S100Z: variants seen among roughly 807,000 people sequenced by gnomAD.
S100Z encodes S100 calcium binding protein Z.
A neutral mutation model predicts 8.5 loss-of-function variants in S100Z; 11 were observed. The observed-to-expected ratio is 1.30, with a 90% CI of 0.82 to 2.15. The LOEUF is 2.15. Among genes scored for constraint, S100Z ranks in the 30% most tolerant of loss-of-function variants. The pLI, the probability that S100Z is intolerant of heterozygous loss-of-function variation, is 0.00. For synonymous variants in S100Z, 34 were observed against 43.8 expected, an observed-to-expected ratio of 0.78 and a Z score of 0.89; for missense variants, 126 against 117.9, an observed-to-expected ratio of 1.07 and a Z score of -0.32.
intron 1 of S100Z, among the ~76,000 whole-genome samples, chr5:76,855,625 T>C (rs1389751306): frequency 6.6e-6 from 1 of 152,240 alleles, no homozygotes; most frequent in Non-Finnish European, 1.5e-5. Context: ...CCCCCAGTTG[T>C]ATCTTGGAAG....
At chr5:76,884,921 A>C (rs1188229815) in intron 4 of S100Z, among the ~76,000 whole-genome samples, 1 of 152,122 alleles carries the variant, frequency 6.6e-6, no homozygotes, top group Non-Finnish European at 1.5e-5. Context: ...GAAAGAAGAA[A>C]GATTTGGGAC....
intron 4 of S100Z, among the ~76,000 whole-genome samples, chr5:76,901,416 C>T (rs1276198810): frequency 2.6e-5 from 4 of 152,164 alleles, no homozygotes; most frequent in African/African-American, 9.7e-5. Flanking sequence ...GTATTGCAGC[C>T]GAGCTGGCAC....
At chr5:76,922,236 A>T (rs190705300), downstream of S100Z, among the ~76,000 whole-genome samples, 1 of 152,084 alleles carries the variant, frequency 6.6e-6, no homozygotes, top group Non-Finnish European at 1.5e-5. Context: ...TTTTTTCCAA[A>T]AGAAATGCAA....
chr5:76,888,727 T>C (rs1298667283), intron 4 of S100Z, among the ~76,000 whole-genome samples: 1 of 152,140 alleles, frequency 6.6e-6, no homozygotes, highest in Non-Finnish European at 1.5e-5. Context: ...AAGTTTTCAT[T>C]TTTTAAAGCA....
At chr5:76,924,650 C>T (rs1009998868), downstream of S100Z, among the ~76,000 whole-genome samples, 36 of 152,160 alleles carry the variant, frequency 2.4e-4, no homozygotes, top group African/African-American at 8.2e-4. Context: ...TGGCTCAAGC[C>T]TGTAATGTCA....
At chr5:76,948,190 G>A in the S100Z span, among the ~76,000 whole-genome samples, 2 of 143,044 alleles carry the variant, frequency 1.4e-5, no homozygotes, top group Non-Finnish European at 3.0e-5. Context: ...GCTGGGTGTG[G>A]TGGTGCACAC....
At chr5:76,917,840 A>G (rs897761011) in intron 4 of S100Z, among the ~76,000 whole-genome samples, 1 of 144,522 alleles carries the variant, frequency 6.9e-6, no homozygotes, top group East Asian at 2.0e-4. Context: ...AAAAAAAATC[A>G]GAAATTGAAT....
intron 4 of S100Z, among the ~76,000 whole-genome samples, chr5:76,886,772 G>C (rs184042788): frequency 1.3e-5 from 2 of 152,162 alleles, no homozygotes; most frequent in African/African-American, 2.4e-5. Context: ...TTGCAGGCAG[G>C]GGGTGGATCT....
At chr5:76,870,800 A>G (rs1300477848) in intron 2 of S100Z, among the ~76,000 whole-genome samples, 1 of 152,062 alleles carries the variant, frequency 6.6e-6, no homozygotes, top group Admixed American at 6.6e-5. Flanking sequence ...ACAACATTTA[A>G]GAGCTGGAGA....
chr5:76,924,410 G>A (rs1304704919), downstream of S100Z, among the ~76,000 whole-genome samples: 1 of 152,144 alleles, frequency 6.6e-6, no homozygotes, highest in East Asian at 1.9e-4. Context: ...TTTCAGCAAA[G>A]CTTCAGAGGG....
intron 1 of S100Z, among the ~76,000 whole-genome samples, chr5:76,863,827 T>A (rs113809049): frequency 1.3e-5 from 2 of 152,196 alleles, no homozygotes; most frequent in Non-Finnish European, 2.9e-5. Flanking sequence ...TGTGAGCCAC[T>A]GCGCCCGGCC....
intron 1 of S100Z, among the ~76,000 whole-genome samples, chr5:76,857,111 G>C (rs1750902613): frequency 6.6e-6 from 1 of 152,094 alleles, no homozygotes; most frequent in African/African-American, 2.4e-5. Context: ...GGCCAACATG[G>C]TGAAACCCCG....
chr5:76,923,124 T>C (rs897192144), downstream of S100Z, among the ~76,000 whole-genome samples: 1 of 152,088 alleles, frequency 6.6e-6, no homozygotes, highest in African/African-American at 2.4e-5. Context: ...TTTCCATGAC[T>C]ATCTCAAAAC....
the S100Z span, among the ~76,000 whole-genome samples, chr5:76,939,765 G>A: frequency 1.2e-3 from 175 of 151,728 alleles, no homozygotes; most frequent in Non-Finnish European, 1.6e-3. Flanking sequence ...CACTTGCCTC[G>A]GCCTCCCAAA....
At chr5:76,873,690 C>T (rs1490427071) in intron 2 of S100Z, among the ~76,000 whole-genome samples, 1 of 152,096 alleles carries the variant, frequency 6.6e-6, no homozygotes, top group African/African-American at 2.4e-5. Flanking sequence ...GGCAGCAAGG[C>T]CAGGGGCAGA....
At chr5:76,949,569 G>T in the S100Z span, among the ~76,000 whole-genome samples, 11 of 152,254 alleles carry the variant, frequency 7.2e-5, no homozygotes, top group African/African-American at 2.6e-4. Flanking sequence ...CAACCTAAAT[G>T]TTGACGAATG....
At chr5:76,939,983 C>A in the S100Z span, among the ~76,000 whole-genome samples, 1 of 151,596 alleles carries the variant, frequency 6.6e-6, no homozygotes, top group Non-Finnish European at 1.5e-5. Flanking sequence ...CATGGTGAAA[C>A]CCATCTCTAC....
intron 4 of S100Z, among the ~76,000 whole-genome samples, chr5:76,910,028 C>G (rs1011960016): frequency 7.2e-5 from 11 of 152,184 alleles, no homozygotes; most frequent in African/African-American, 2.7e-4. Flanking sequence ...GTATGGATCC[C>G]CACTGGGATC....
At chr5:76,909,853 G>T (rs1415152260) in intron 4 of S100Z, among the ~76,000 whole-genome samples, 1 of 152,240 alleles carries the variant, frequency 6.6e-6, no homozygotes, top group African/African-American at 2.4e-5. Flanking sequence ...CTCACTTGGA[G>T]AGATGTCATG....
Sources: gnomAD v4.1 joint callset for allele counts (sites outside exome capture counted in the v4.1 genomes callset) on GRCh38, gnomAD v4.1.1 for gene constraint, MANE v1.5 for transcripts, NCBI Gene and HGNC (gene_info 2026-07-23, HGNC 2026-07-21) for gene names.